The following BIRC6 variants were observed in gnomAD, a reference collection of about 807,000 sequenced individuals.
BIRC6 encodes dual E2 ubiquitin-conjugating enzyme/E3 ubiquitin-protein ligase BIRC6.
A neutral mutation model predicts 503.3 loss-of-function variants in BIRC6; 98 were observed. The ratio of observed to expected loss-of-function variants is 0.19; its 90% CI spans 0.17 to 0.23. The LOEUF (loss-of-function observed/expected upper bound fraction) is 0.23, where lower values mean the gene tolerates loss of function less well. BIRC6 is among the 10% of genes least tolerant of loss of function. The probability of loss-of-function intolerance (pLI) is 1.00; values close to 1 mark genes in which losing one functional copy is unlikely to be tolerated. For missense variants in BIRC6, 5,360 were observed against 5,806.0 expected, an observed-to-expected ratio of 0.92 and a Z score of 2.50; for synonymous variants, 2,240 against 2,078.7, an observed-to-expected ratio of 1.08 and a Z score of -2.11.
chr2:32,445,045 A>G (rs1055728657), intron 20 of BIRC6, among the ~76,000 whole-genome samples: 3 of 152,222 alleles, frequency 2.0e-5, no homozygotes, highest in African/African-American at 4.8e-5. Context: ...CTAACGCATT[A>G]TAGAATAATT....
intron 23 of BIRC6, among the ~76,000 whole-genome samples, chr2:32,461,051 T>TC (rs2047877559): frequency 5.6e-5 from 4 of 71,090 alleles, no homozygotes; most frequent in East Asian, 3.7e-4. Flanking sequence ...TCTTCTCTTC[T>TC]CTTCTCTTCT....
chr2:32,498,941 C>T (rs1243873181), intron 45 of BIRC6, among the ~76,000 whole-genome samples: 1 of 152,176 alleles, frequency 6.6e-6, no homozygotes, highest in Non-Finnish European at 1.5e-5. Context: ...TCTTGAACTT[C>T]CTGGCGCCAC....
chr2:32,601,960 T>C (rs920537715), intron 70 of BIRC6, among the ~76,000 whole-genome samples: 4 of 152,236 alleles, frequency 2.6e-5, no homozygotes, highest in Non-Finnish European at 5.9e-5. Flanking sequence ...AGGTCTCTTC[T>C]GTTAAGCTAT....
chr2:32,491,720 CACTA>C (rs916347800), intron 44 of BIRC6, among the ~76,000 whole-genome samples, 162 bp downstream of exon 44: 2 of 152,098 alleles, frequency 1.3e-5, no homozygotes, highest in Admixed American at 6.5e-5. Context: ...GCTATACTGA[CACTA>C]AATAATAGCA....
chr2:32,467,584 A>G lies in BIRC6; in HGVS notation c.5416A>G (p.Ile1806Val). The G allele has an allele frequency of 6.2e-7, 1 of 1,613,918 alleles. No homozygotes were observed. Among genetic ancestry groups the G allele is most frequent in the South Asian group, 1.1e-5 (1 of 91,076 alleles). ...GCCTATATTGTTGACTGATGTATTG[A>G]TTCCCACTTGTGGAGACTTGGCCTC... is the stretch of plus-strand genomic sequence containing the variant. ...GRPILLTDVL[I>V]PTCGDLASLS... Residue 1806 changes from isoleucine (I) to valine (V), a missense_variant, in exon 27 of 74, where the codon ATT becomes GTT. Ile to Val is a conservative substitution (Grantham distance 29, BLOSUM62 3). Coordinates refer to ENST00000421745, the MANE Select transcript of BIRC6 (RefSeq NM_016252.4).
chr2:32,595,185 ATTTT>A, intron 68 of BIRC6, 41 bp downstream of exon 68: 1 of 1,285,388 alleles, frequency 7.8e-7, no homozygotes, highest in Non-Finnish European at 1.1e-6. Context: ...CTCACTTTCC[ATTTT>A]TTTTTAACAG....
At chr2:32,409,219 C>T (rs1342621397) in intron 9 of BIRC6, among the ~76,000 whole-genome samples, 1 of 152,008 alleles carries the variant, frequency 6.6e-6, no homozygotes, top group Non-Finnish European at 1.5e-5. Flanking sequence ...AGTGCAGTGG[C>T]ACGGATCTTG....
intron 53 of BIRC6, among the ~76,000 whole-genome samples, chr2:32,512,334 T>G (rs1280009208): frequency 6.6e-6 from 1 of 152,206 alleles, no homozygotes. Flanking sequence ...TCTAAAAGTC[T>G]TTCGCTCCCA....
chr2:32,473,706 C>CGTGTGTGTGTGT (rs70938348), intron 33 of BIRC6, among the ~76,000 whole-genome samples: 2 of 72,686 alleles, frequency 2.8e-5, no homozygotes, highest in East Asian at 4.1e-4. Flanking sequence ...TCTCCTTTTT[C>CGTGTGTGTGTGT]GTGTGTGTGT....
chr2:32,550,352 C>T (rs1465751539), intron 65 of BIRC6, among the ~76,000 whole-genome samples: 3 of 152,094 alleles, frequency 2.0e-5, no homozygotes, highest in East Asian at 1.9e-4. Flanking sequence ...GGGATTATTG[C>T]CCGTATTCCC....
chr2:32,412,594 T>C (rs1410191502), intron 9 of BIRC6, among the ~76,000 whole-genome samples: 1 of 151,896 alleles, frequency 6.6e-6, no homozygotes, highest in Non-Finnish European at 1.5e-5. Context: ...TAGCAGATAA[T>C]ACAGAAGACA....
chr2:32,360,258 T>C (rs1271510989), intron 1 of BIRC6, among the ~76,000 whole-genome samples: 2 of 152,198 alleles, frequency 1.3e-5, no homozygotes, highest in Non-Finnish European at 2.9e-5. Flanking sequence ...ACAGGACTTG[T>C]ATGTATATGT....
rs138407977 is a variant in BIRC6, at chr2:32,508,860, G to A, written c.9980+601G>A. Among the ~76,000 whole-genome samples the A allele has an allele frequency of 4.4e-3, 664 of 152,094 alleles. 4 individuals carry two copies. The highest frequency in any genetic ancestry group is 0.015 in the African/African-American group (630 of 41,486). ...AGCACTTGGGGAGGCCAAGGCGGGCGGATCACGAGGTCAGGAGATCGAAAC... is the reference window on the plus strand; with the variant it reads ...AGCACTTGGGGAGGCCAAGGCGGGCAGATCACGAGGTCAGGAGATCGAAAC... On this transcript the variant is annotated intron_variant, in intron 51 of 73. Coordinates refer to ENST00000421745, the MANE Select transcript of BIRC6 (RefSeq NM_016252.4).
At position 32,543,281 on chromosome 2, in the gene BIRC6, C is replaced by CCTT; in HGVS notation, c.12332_12333insCTT (p.Pro4111_Lys4112insLeu). On this transcript the variant is annotated inframe_insertion, in exon 62 of 74. Transcript: ENST00000421745. The stretch of plus-strand genomic sequence containing the variant: ...GTAACATCTACCACTCAGGAAAAGC[C>CCTT]GAAGGATAGCGATCAGTTTGAATGG... The CCTT allele has an allele frequency of 6.2e-7, 1 of 1,613,924 alleles. No homozygotes were observed. Among genetic ancestry groups the CCTT allele is most frequent in the Non-Finnish European group, 8.5e-7 (1 of 1,179,880 alleles).
At chr2:32,500,213 C>A in intron 46 of BIRC6, 104 bp downstream of exon 46, 1 of 1,025,794 alleles carries the variant, frequency 9.7e-7, no homozygotes. Context: ...TAGTGTAAAA[C>A]TGCTTTAAGC....
At chr2:32,436,229 T>A (rs2044680266) in intron 15 of BIRC6, 45 bp downstream of exon 15, 1 of 1,341,782 alleles carries the variant, frequency 7.5e-7, no homozygotes, top group African/African-American at 1.5e-5. Flanking sequence ...AATACCACAG[T>A]TGTAAAAAAG....
chr2:32,598,420 T>A (rs972240798), intron 69 of BIRC6, among the ~76,000 whole-genome samples: 2 of 152,194 alleles, frequency 1.3e-5, no homozygotes, highest in Admixed American at 1.3e-4. Flanking sequence ...CTCATGTTTT[T>A]TAGTGTCACT....
At chr2:32,476,535 A>G (rs185713267) in intron 34 of BIRC6, among the ~76,000 whole-genome samples, 191 bp downstream of exon 34, 40 of 152,268 alleles carry the variant, frequency 2.6e-4, no homozygotes, top group African/African-American at 7.7e-4. Flanking sequence ...TATTATTGTA[A>G]TGTATTACCT....
intron 68 of BIRC6, among the ~76,000 whole-genome samples, chr2:32,596,405 G>A (rs1399871745): frequency 9.3e-5 from 14 of 150,896 alleles, no homozygotes; most frequent in Admixed American, 4.0e-4. Context: ...ATTTGAACCC[G>A]GGAGGTGGAG....
Sources: allele counts gnomAD v4.1 joint callset (sites outside exome capture counted in the v4.1 genomes callset), GRCh38; gene constraint gnomAD v4.1.1; transcripts MANE v1.5; gene names NCBI Gene and HGNC (gene_info 2026-07-23, HGNC 2026-07-21).